LRRIQ1: variants seen among roughly 807,000 people sequenced by gnomAD.
LRRIQ1 encodes the protein leucine rich repeats and IQ motif containing 1.
LRRIQ1 carries 210 observed loss-of-function variants against 211.9 expected under a neutral mutation model. That is an observed-to-expected ratio of 0.99 (90% CI 0.89 to 1.11). The LOEUF (loss-of-function observed/expected upper bound fraction) is 1.11, where lower values mean the gene tolerates loss of function less well. LRRIQ1 is among the 50% of genes most tolerant of loss of function. The pLI, the probability that LRRIQ1 is intolerant of heterozygous loss-of-function variation, is 0.00. For synonymous variants in LRRIQ1, 699 were observed against 650.1 expected (o/e 1.08, Z -1.14); for missense variants, 2,136 against 1,939.5 (o/e 1.10, Z -1.90).
intron 15 of LRRIQ1, among the ~76,000 whole-genome samples, chr12:85,115,111 G>C (rs1887480557): frequency 6.6e-6 from 1 of 152,094 alleles, no homozygotes; most frequent in African/African-American, 2.4e-5. Context: ...CTTCTTAAGT[G>C]GTGGAATATT....
At chr12:85,062,915 C>T (rs552559838) in intron 8 of LRRIQ1, among the ~76,000 whole-genome samples, 11 of 151,756 alleles carry the variant, frequency 7.2e-5, no homozygotes, top group Non-Finnish European at 1.2e-4. Flanking sequence ...GAGATGGTAT[C>T]TCATTGTGGT....
At chr12:85,134,831 A>T (rs1289351215) in intron 18 of LRRIQ1, among the ~76,000 whole-genome samples, 1 of 152,062 alleles carries the variant, frequency 6.6e-6, no homozygotes, top group East Asian at 1.9e-4. Context: ...ACATGAGTTG[A>T]ACTACTGGTC....
chr12:85,089,103 G>A (rs1885120158), intron 11 of LRRIQ1, among the ~76,000 whole-genome samples: 1 of 152,134 alleles, frequency 6.6e-6, no homozygotes, highest in Non-Finnish European at 1.5e-5. Flanking sequence ...TTATTATTTT[G>A]AGATACGTCC....
At chr12:85,211,422 C>A (rs1212388361) in intron 24 of LRRIQ1, among the ~76,000 whole-genome samples, 1 of 152,064 alleles carries the variant, frequency 6.6e-6, no homozygotes, top group Non-Finnish European at 1.5e-5. Flanking sequence ...TTTAGGACTG[C>A]AATAATGTGT....
intron 26 of LRRIQ1, among the ~76,000 whole-genome samples, chr12:85,236,881 C>T (rs1895213844): frequency 2.6e-5 from 3 of 115,498 alleles, no homozygotes. Flanking sequence ...TTACATACAG[C>T]CATCAAAGAA....
chr12:85,160,688 A>G lies in LRRIQ1; in HGVS notation c.4796A>G (p.Gln1599Arg). The G allele has an allele frequency of 6.2e-7, 1 of 1,600,380 alleles. No individual in the cohort carries two copies. The highest frequency in any genetic ancestry group is 1.3e-5 in the African/African-American group (1 of 74,880). Reference sequence around the variant, plus strand: ...CTTCCAAAATCACCAAAGATGGTACAGCCCAGAAGAGATGGTTACTTTGAA... The same window carrying G: ...CTTCCAAAATCACCAAAGATGGTACGGCCCAGAAGAGATGGTTACTTTGAA... ...VSLPKSPKMV[Q>R]PRRDGYFEGI... Residue 1599 changes from glutamine to arginine, a missense_variant, in exon 24 of 27, where the codon CAG (glutamine) becomes CGG (arginine). Gln to Arg is a conservative substitution (Grantham distance 43, BLOSUM62 1). Transcript: ENST00000393217.
intron 2 of LRRIQ1, among the ~76,000 whole-genome samples, chr12:85,039,597 T>C (rs1412977973): frequency 6.6e-6 from 1 of 151,696 alleles, no homozygotes; most frequent in Non-Finnish European, 1.5e-5. Flanking sequence ...TTCTCAAAAC[T>C]AAACACTGAA....
chr12:85,047,255 GAT>G lies in LRRIQ1; in HGVS notation c.467_468del (p.Ile156LysfsTer6). 6.3e-7 allele frequency: 1 copy of G among 1,589,612 alleles called. No individual in the cohort carries two copies. The highest frequency in any genetic ancestry group is 8.5e-7 in the Non-Finnish European group (1 of 1,172,700). The stretch of plus-strand genomic sequence containing the variant: ...TTTCTTCATGAGTGCAGATGATGCT[GAT>G]ATAAATTTTGGATACTGTGAAGTGG... ...MDEHVLPDDADINFGYCEVEE... is the reference protein window; with the variant it reads ...MDEHVLPDDAXINFGYCEVEE... On this transcript the variant is annotated frameshift_variant, in exon 6 of 27. Coordinates refer to ENST00000393217, the MANE Select transcript of LRRIQ1 (RefSeq NM_001079910.2). LOFTEE classifies it high-confidence loss of function.
At chr12:85,173,374 C>T (rs1224583645) in intron 24 of LRRIQ1, among the ~76,000 whole-genome samples, 2 of 152,144 alleles carry the variant, frequency 1.3e-5, no homozygotes, top group African/African-American at 4.8e-5. Context: ...ATATATGTGT[C>T]CTAGTGAGCT....
chr12:85,261,049 C>T (rs1896270491), intron 1 of LRRIQ1, among the ~76,000 whole-genome samples: 1 of 152,128 alleles, frequency 6.6e-6, no homozygotes, highest in Non-Finnish European at 1.5e-5. Flanking sequence ...CTTCAGTTGG[C>T]ATCTCTCTCA....
intron 19 of LRRIQ1, among the ~76,000 whole-genome samples, chr12:85,149,590 T>G (rs1890105923): frequency 6.6e-6 from 1 of 151,878 alleles, no homozygotes; most frequent in African/African-American, 2.4e-5. Flanking sequence ...ACATACATTT[T>G]AAAAAACAGT....
At chr12:85,058,273 T>C (rs1881366959) in intron 8 of LRRIQ1, among the ~76,000 whole-genome samples, 1 of 152,010 alleles carries the variant, frequency 6.6e-6, no homozygotes, top group South Asian at 2.1e-4. Context: ...CTGGGTAATG[T>C]ATTTGCCACA....
rs71076119 is a variant in LRRIQ1 at position 85,250,962 on chromosome 12, T to TAATATATTTTATAGATTA, written c.121+6053_121+6054insAATATATTTTATAGATTA. 4.9e-5 allele frequency among the ~76,000 whole-genome samples: 4 copies of TAATATATTTTATAGATTA among 81,012 alleles called. No individual in the cohort carries two copies. In the East Asian group the frequency reaches 1.7e-3, roughly 34 times the overall value. 53.1% of individuals were successfully genotyped at this position (81,012 alleles called of 152,430 possible). ...TATAATATATTTTATATATTATATA[T>TAATATATTTTATAGATTA]TATATTATATATATTATAGATTATA... On this transcript the variant is annotated intron_variant, in intron 1 of 1. Transcript: ENST00000602731.
intron 24 of LRRIQ1, among the ~76,000 whole-genome samples, chr12:85,180,189 A>C (rs1388275025): frequency 1.3e-5 from 2 of 151,878 alleles, no homozygotes; most frequent in African/African-American, 2.4e-5. Context: ...AATTTATTTA[A>C]TCATTTCCTA....
At chr12:85,203,464 G>C (rs1159628333) in intron 24 of LRRIQ1, among the ~76,000 whole-genome samples, 3 of 152,124 alleles carry the variant, frequency 2.0e-5, no homozygotes, top group Non-Finnish European at 4.4e-5. Flanking sequence ...GAACAGTTTG[G>C]GGGGCTCAGA....
chr12:85,136,999 C>G (rs1419206406), intron 18 of LRRIQ1, among the ~76,000 whole-genome samples: 1 of 151,612 alleles, frequency 6.6e-6, no homozygotes, highest in Non-Finnish European at 1.5e-5. Flanking sequence ...TTAGAGAAGT[C>G]TGGCTTCTAT....
intron 11 of LRRIQ1, among the ~76,000 whole-genome samples, chr12:85,091,910 C>T (rs930815334): frequency 1.3e-5 from 2 of 152,132 alleles, no homozygotes; most frequent in African/African-American, 4.8e-5. Context: ...GGCCTCACAG[C>T]AGAAGATGAG....
intron 8 of LRRIQ1, among the ~76,000 whole-genome samples, chr12:85,061,521 A>G (rs1222044409): frequency 6.6e-6 from 1 of 151,838 alleles, no homozygotes. Flanking sequence ...ATTAAAGGAC[A>G]GAAATTGCCA....
chr12:85,138,338 G>A (rs1040771481), intron 19 of LRRIQ1, among the ~76,000 whole-genome samples: 33 of 151,536 alleles, frequency 2.2e-4, no homozygotes, highest in African/African-American at 8.0e-4. Flanking sequence ...GCATTTAGTT[G>A]TCATTTTTCC....
Sources: gnomAD v4.1 joint callset for allele counts (sites outside exome capture counted in the v4.1 genomes callset) on GRCh38, gnomAD v4.1.1 for gene constraint, MANE v1.5 for transcripts, NCBI Gene and HGNC (gene_info 2026-07-23, HGNC 2026-07-21) for gene names.